Variants in FRMD4A observed in about 807,000 individuals in gnomAD.
FRMD4A encodes the protein FERM domain-containing protein 4A.
In FRMD4A, 29 loss-of-function variants were observed where a neutral mutation model predicts 129.1. The ratio of observed to expected loss-of-function variants is 0.22; its 90% CI spans 0.17 to 0.31. FRMD4A has a LOEUF of 0.31. Among genes scored for constraint, FRMD4A ranks in the 10% least tolerant of loss-of-function variants. The pLI, the probability that FRMD4A is intolerant of heterozygous loss-of-function variation, is 1.00. For missense variants in FRMD4A, 1,272 were observed against 1,375.8 expected (o/e 0.92, Z 1.19); for synonymous variants, 634 against 571.6 (o/e 1.11, Z -1.56).
intron 2 of FRMD4A, among the ~76,000 whole-genome samples, chr10:14,204,960 G>A (rs1180518647): frequency 6.6e-6 from 1 of 152,022 alleles, no homozygotes; most frequent in African/African-American, 2.4e-5. Context: ...ACAGACACAA[G>A]TTGCATTTCA....
intron 2 of FRMD4A, among the ~76,000 whole-genome samples, chr10:14,223,152 AT>A (rs1843318425): frequency 6.6e-6 from 1 of 152,148 alleles, no homozygotes; most frequent in Non-Finnish European, 1.5e-5. Context: ...TGGCCTAGTG[AT>A]TCTCACCTCC....
intron 2 of FRMD4A, among the ~76,000 whole-genome samples, chr10:14,095,558 T>G (rs1297629506): frequency 6.6e-6 from 1 of 152,216 alleles, no homozygotes; most frequent in Non-Finnish European, 1.5e-5. Flanking sequence ...TTGAATTATT[T>G]TACATACGCA....
At chr10:14,143,395 A>G (rs1397726065) in intron 2 of FRMD4A, among the ~76,000 whole-genome samples, 1 of 152,214 alleles carries the variant, frequency 6.6e-6, no homozygotes, top group Admixed American at 6.5e-5. Context: ...GACAAATACT[A>G]TATGATTCCT....
intron 2 of FRMD4A, among the ~76,000 whole-genome samples, chr10:14,060,187 C>G (rs1052046615): frequency 6.6e-6 from 1 of 152,054 alleles, no homozygotes; most frequent in African/African-American, 2.4e-5. Flanking sequence ...TGTAGTGTGG[C>G]AAAAACCAGA....
At chr10:13,720,086 T>C (rs1041392901) in intron 12 of FRMD4A, among the ~76,000 whole-genome samples, 5 of 152,212 alleles carry the variant, frequency 3.3e-5, no homozygotes, top group African/African-American at 7.2e-5. Flanking sequence ...TCTTGCTGTG[T>C]CGCCCAGGCT....
intron 16 of FRMD4A, among the ~76,000 whole-genome samples, chr10:13,673,655 A>C (rs1304266445): frequency 6.6e-6 from 1 of 152,202 alleles, no homozygotes; most frequent in Non-Finnish European, 1.5e-5. Flanking sequence ...CACTTCTAAC[A>C]AATAGTCATG....
chr10:13,746,685 G>T (rs1275168594), intron 9 of FRMD4A, among the ~76,000 whole-genome samples: 1 of 152,200 alleles, frequency 6.6e-6, no homozygotes, highest in African/African-American at 2.4e-5. Context: ...AATCAACTTG[G>T]TCTGTGCTTT....
intron 2 of FRMD4A, among the ~76,000 whole-genome samples, chr10:14,026,698 C>G (rs923960662): frequency 5.9e-5 from 9 of 152,222 alleles, no homozygotes; most frequent in African/African-American, 2.2e-4. Context: ...TGCATCACAT[C>G]AGCAAGAAAG....
intron 2 of FRMD4A, among the ~76,000 whole-genome samples, chr10:14,324,278 A>C (rs1006406419): frequency 1.3e-5 from 2 of 152,248 alleles, no homozygotes; most frequent in Non-Finnish European, 2.9e-5. Context: ...ATTAATAGCA[A>C]GATCTCAAAG....
intron 2 of FRMD4A, among the ~76,000 whole-genome samples, chr10:13,909,466 A>G (rs1279653162): frequency 6.6e-6 from 1 of 152,226 alleles, no homozygotes; most frequent in African/African-American, 2.4e-5. Flanking sequence ...TGCAATTGCA[A>G]TAATTTTGAT....
intron 5 of FRMD4A, among the ~76,000 whole-genome samples, chr10:13,787,640 G>A (rs1022255455): frequency 6.6e-6 from 1 of 151,798 alleles, no homozygotes; most frequent in Non-Finnish European, 1.5e-5. Flanking sequence ...TTTATTTTCT[G>A]TCGAGATGGG....
At chr10:13,677,166 C>G (rs1342759856) in intron 15 of FRMD4A, among the ~76,000 whole-genome samples, 1 of 152,166 alleles carries the variant, frequency 6.6e-6, no homozygotes, top group African/African-American at 2.4e-5. Flanking sequence ...CTCTTACTAC[C>G]CTAATCACCA....
intron 3 of FRMD4A, among the ~76,000 whole-genome samples, chr10:13,850,800 T>C (rs866230231): frequency 2.0e-5 from 3 of 152,262 alleles, no homozygotes; most frequent in Non-Finnish European, 2.9e-5. Context: ...GAGCTACCTA[T>C]ACTTCACTAG....
intron 2 of FRMD4A, among the ~76,000 whole-genome samples, chr10:14,251,643 GA>G (rs1212640792): frequency 6.6e-6 from 1 of 152,200 alleles, no homozygotes; most frequent in Non-Finnish European, 1.5e-5. Flanking sequence ...TAAACACTTT[GA>G]AAGAGGAGTT....
intron 2 of FRMD4A, among the ~76,000 whole-genome samples, chr10:13,884,134 T>TCACACACACA (rs1221469854): frequency 2.8e-5 from 1 of 35,700 alleles, no homozygotes; most frequent in Admixed American, 2.2e-4. Context: ...ACACACACGC[T>TCACACACACA]CACACACACT....
At chr10:13,953,576 C>T (rs987258903) in intron 2 of FRMD4A, among the ~76,000 whole-genome samples, 6 of 152,196 alleles carry the variant, frequency 3.9e-5, no homozygotes, top group Non-Finnish European at 8.8e-5. Context: ...ACATTACTCA[C>T]CCACTAGTCA....
chr10:13,732,214 C>G (rs1272370460), intron 12 of FRMD4A, among the ~76,000 whole-genome samples: 1 of 152,146 alleles, frequency 6.6e-6, no homozygotes, highest in East Asian at 1.9e-4. Context: ...GACTCTGAAA[C>G]TAGGATGGCA....
chr10:13,783,210 C>T (rs920043030), intron 5 of FRMD4A, among the ~76,000 whole-genome samples: 2 of 152,202 alleles, frequency 1.3e-5, no homozygotes, highest in African/African-American at 4.8e-5. Context: ...AGGGTCACGC[C>T]TAATGGGCCT....
chr10:13,688,457 A>G (rs1010714802), intron 15 of FRMD4A, among the ~76,000 whole-genome samples: 8 of 152,164 alleles, frequency 5.3e-5, no homozygotes, highest in African/African-American at 1.9e-4. Flanking sequence ...TGACGAGTTA[A>G]TCGGTGCAGC....
Sources: gnomAD v4.1 joint callset for allele counts (sites outside exome capture counted in the v4.1 genomes callset) on GRCh38, gnomAD v4.1.1 for gene constraint, MANE v1.5 for transcripts, NCBI Gene and HGNC (gene_info 2026-07-23, HGNC 2026-07-21) for gene names.